Variants in ULK4 observed in about 807,000 individuals in gnomAD.
ULK4 encodes the protein unc-51 like kinase 4, also known as inactive serine/threonine-protein kinase ULK4.
A neutral mutation model predicts 160.6 loss-of-function variants in ULK4; 133 were observed. The ratio of observed to expected loss-of-function variants is 0.83; its 90% CI spans 0.72 to 0.96. The LOEUF (loss-of-function observed/expected upper bound fraction) is 0.96. Ranked by LOEUF, ULK4 falls within the 40% of genes least tolerant of loss-of-function variation. The pLI, the probability that ULK4 is intolerant of heterozygous loss-of-function variation, is 0.00. For missense variants in ULK4, 1,580 were observed against 1,499.5 expected, an observed-to-expected ratio of 1.05 and a Z score of -0.89; for synonymous variants, 534 against 539.8, an observed-to-expected ratio of 0.99 and a Z score of 0.15.
intron 35 of ULK4, among the ~76,000 whole-genome samples, chr3:41,271,447 A>G (rs2079136615): frequency 6.7e-6 from 1 of 149,288 alleles, no homozygotes; most frequent in African/African-American, 2.5e-5. Context: ...GCTGGAGTAC[A>G]GTGGTGTGAT....
At chr3:41,567,774 T>C (rs115150816) in intron 31 of ULK4, among the ~76,000 whole-genome samples, 3,521 of 152,190 alleles carry the variant, frequency 0.023, 86 homozygotes, top group Non-Finnish European at 0.031. Flanking sequence ...TTAACATAAA[T>C]TTTATTTTAC....
At chr3:41,843,344 T>C (rs926407649) in intron 17 of ULK4, among the ~76,000 whole-genome samples, 2 of 152,230 alleles carry the variant, frequency 1.3e-5, no homozygotes, top group South Asian at 2.1e-4. Context: ...TCACTCATAC[T>C]GTGTCCGGAA....
chr3:41,827,598 G>C (rs1433760668), intron 18 of ULK4, among the ~76,000 whole-genome samples: 3 of 152,054 alleles, frequency 2.0e-5, no homozygotes, highest in Non-Finnish European at 4.4e-5. Flanking sequence ...GACTAAACCA[G>C]GAAGAAGTTG....
chr3:41,345,705 C>G (rs2125755559), intron 35 of ULK4, among the ~76,000 whole-genome samples: 1 of 152,218 alleles, frequency 6.6e-6, no homozygotes, highest in East Asian at 1.9e-4. Context: ...ACAAGATGAT[C>G]TATGCAGCAA....
At chr3:41,800,326 G>A (rs756087056) in intron 19 of ULK4, 33 bp from the exon 20 acceptor site, 41 of 1,557,172 alleles carry the variant, frequency 2.6e-5, no homozygotes, top group Non-Finnish European at 3.6e-5. Flanking sequence ...TAATATTAGT[G>A]TGAGAAATAA....
intron 19 of ULK4, among the ~76,000 whole-genome samples, chr3:41,809,713 T>C (rs2040761163): frequency 6.6e-6 from 1 of 152,196 alleles, no homozygotes; most frequent in Non-Finnish European, 1.5e-5. Flanking sequence ...CTATCTAAAT[T>C]AATAACCTTT....
At chr3:41,251,920 G>A (rs995232897) in intron 35 of ULK4, among the ~76,000 whole-genome samples, 1 of 152,166 alleles carries the variant, frequency 6.6e-6, no homozygotes, top group African/African-American at 2.4e-5. Context: ...AACTGTTTAT[G>A]AACTCTTGGC....
At chr3:41,373,241 TAATAAG>T (rs2081408441) in intron 35 of ULK4, among the ~76,000 whole-genome samples, 2 of 152,046 alleles carry the variant, frequency 1.3e-5, no homozygotes, top group Admixed American at 6.6e-5. Flanking sequence ...AACAGAAAAT[TAATAAG>T]AATATTCAGT....
chr3:41,733,489 G>A (rs75779288), intron 22 of ULK4, among the ~76,000 whole-genome samples: 1 of 151,924 alleles, frequency 6.6e-6, no homozygotes, highest in South Asian at 2.1e-4. Context: ...CAAAATGCAA[G>A]AATGCAGACT....
At chr3:41,660,426 G>C (rs2035111857) in intron 30 of ULK4, among the ~76,000 whole-genome samples, 1 of 152,098 alleles carries the variant, frequency 6.6e-6, no homozygotes, top group Non-Finnish European at 1.5e-5. Flanking sequence ...AAAGAAATGA[G>C]ACTTCTCAGT....
intron 16 of ULK4, among the ~76,000 whole-genome samples, chr3:41,886,200 T>C (rs1315463165): frequency 6.6e-6 from 1 of 152,214 alleles, no homozygotes; most frequent in South Asian, 2.1e-4. Flanking sequence ...CTATTAATTT[T>C]TAATTTAAAT....
In ULK4 at chr3:41,859,882, C is replaced by A. The variant is rs1454266619; in HGVS notation, c.1657-23911G>T. ...ACAGGGTTTCACCATGTTGGTCAGG[C>A]TGCTCTCGAACTCCTGACCTTATGA... On this transcript the variant is annotated intron_variant, in intron 17 of 36. Coordinates refer to ENST00000301831, the MANE Select transcript of ULK4 (RefSeq NM_017886.4). Among the ~76,000 whole-genome samples the A allele has an allele frequency of 7.8e-5, 11 of 140,848 alleles. No homozygotes were observed. In the South Asian group the frequency reaches 2.5e-3, roughly 32 times the overall value. 92.4% of individuals were successfully genotyped at this position (140,848 alleles called of 152,430 possible).
At chr3:41,255,831 G>A (rs2078824440) in intron 35 of ULK4, among the ~76,000 whole-genome samples, 1 of 152,130 alleles carries the variant, frequency 6.6e-6, no homozygotes, top group Non-Finnish European at 1.5e-5. Flanking sequence ...AACCAGAGGG[G>A]ACACACAGGT....
At chr3:41,828,956 C>A (rs2041469938) in intron 18 of ULK4, among the ~76,000 whole-genome samples, 1 of 151,052 alleles carries the variant, frequency 6.6e-6, no homozygotes. Context: ...AGATATAGAT[C>A]AATGGAACAG....
At chr3:41,662,257 T>C (rs7618464) in intron 30 of ULK4, among the ~76,000 whole-genome samples, 14,054 of 152,244 alleles carry the variant, frequency 0.092, 1,451 homozygotes, top group African/African-American at 0.25. Context: ...TTGCTTCCAA[T>C]TGGCAAAGAT....
chr3:41,635,395 T>C (rs529988493), intron 30 of ULK4, among the ~76,000 whole-genome samples: 1 of 152,094 alleles, frequency 6.6e-6, no homozygotes, highest in Non-Finnish European at 1.5e-5. Flanking sequence ...TTATAAAAAA[T>C]AATTATTAAG....
intron 34 of ULK4, among the ~76,000 whole-genome samples, chr3:41,422,588 C>CTTTTTTTTT: frequency 6.6e-6 from 1 of 151,484 alleles, no homozygotes; most frequent in Non-Finnish European, 1.5e-5. Flanking sequence ...CCTGTATTTC[C>CTTTTTTTTT]TTTTTTTTCT....
chr3:41,561,682 G>T (rs1345573107), intron 32 of ULK4, among the ~76,000 whole-genome samples: 1 of 152,136 alleles, frequency 6.6e-6, no homozygotes, highest in Non-Finnish European at 1.5e-5. Context: ...ATGGTAGTTT[G>T]TACTTCTGTG....
chr3:41,675,108 T>C (rs141526155), intron 29 of ULK4, among the ~76,000 whole-genome samples: 4,309 of 151,632 alleles, frequency 0.028, 146 homozygotes, highest in East Asian at 0.089. Context: ...GGCATGGTGG[T>C]GCACGCCTGT....
Sources: gnomAD v4.1 joint callset for allele counts (sites outside exome capture counted in the v4.1 genomes callset) on GRCh38, gnomAD v4.1.1 for gene constraint, MANE v1.5 for transcripts, NCBI Gene and HGNC (gene_info 2026-07-23, HGNC 2026-07-21) for gene names.